Variants in SLC24A2 observed in about 807,000 individuals in gnomAD.
The protein encoded by SLC24A2 is solute carrier family 24 member 2, also known as sodium/potassium/calcium exchanger 2.
SLC24A2 carries 36 observed loss-of-function variants against 62.0 expected under a neutral mutation model. The ratio of observed to expected loss-of-function variants is 0.58; its 90% confidence interval spans 0.44 to 0.77. SLC24A2 has a LOEUF of 0.77. Among genes scored for constraint, SLC24A2 ranks in the 30% least tolerant of loss-of-function variants. The pLI, the probability that SLC24A2 is intolerant of heterozygous loss-of-function variation, is 0.00. For missense variants in SLC24A2, 846 were observed against 817.9 expected (o/e 1.03, Z -0.42); for synonymous variants, 358 against 294.0 (o/e 1.22, Z -2.23).
the SLC24A2 span, among the ~76,000 whole-genome samples, chr9:19,990,129 C>G: frequency 5.9e-5 from 9 of 152,138 alleles, no homozygotes; most frequent in Admixed American, 5.9e-4. Context: ...CCTGCATTAT[C>G]TCATTTAATC....
rs150005451 is a variant in SLC24A2, at chr9:19,665,317, A to C, written c.931-43018T>G. Among the ~76,000 whole-genome samples the C allele has an allele frequency of 7.0e-3, 1,065 of 152,252 alleles. 4 individuals are homozygous for C. The highest frequency in any genetic ancestry group is 0.013 in the Non-Finnish European group (852 of 68,014). On this transcript the variant is annotated intron_variant, in intron 2 of 10. Coordinates refer to ENST00000341998, the MANE Select transcript of SLC24A2 (RefSeq NM_020344.4). ...ATGAGAAGAAACTGATGACTTTGAG[A>C]GGTGCTGAGAAGGCAGAACTGAAGA...
At position 19,516,405 on chromosome 9, in the gene SLC24A2, G is replaced by T. The variant is rs1439184152; in HGVS notation, c.1737-3C>A. 6.8e-6 allele frequency: 11 copies of T among 1,613,530 alleles called. No individual in the cohort carries two copies. Among genetic ancestry groups the T allele is most frequent in the Non-Finnish European group, 9.3e-6 (11 of 1,179,900 alleles). On this transcript the variant is annotated splice_polypyrimidine_tract_variant and splice_region_variant and intron_variant, in intron 10 of 10. Transcript: ENST00000341998. ...ACAGGAGCCAGGGCAGTGGGAGCCT[G>T]TGCAGAAGTGAAGCAGGGCAGAGGG...
chr9:20,124,238 G>C, the SLC24A2 span, among the ~76,000 whole-genome samples: 1 of 151,734 alleles, frequency 6.6e-6, no homozygotes, highest in Non-Finnish European at 1.5e-5. Context: ...AGGAGGATAT[G>C]GTGTTTGATT....
At chr9:19,904,326 G>A in the SLC24A2 span, among the ~76,000 whole-genome samples, 1 of 152,170 alleles carries the variant, frequency 6.6e-6, no homozygotes, top group African/African-American at 2.4e-5. Flanking sequence ...AACCCATCAT[G>A]AGATTATACA....
At chr9:20,290,665 G>C in the SLC24A2 span, among the ~76,000 whole-genome samples, 2 of 152,212 alleles carry the variant, frequency 1.3e-5, no homozygotes, top group African/African-American at 4.8e-5. Context: ...GGAAAGAGCA[G>C]GGACAAATCG....
chr9:19,511,038 T>A lies in SLC24A2; in HGVS notation c.*5115A>T, dbSNP rs1832697392. The A allele has an allele frequency of 6.6e-6, 1 of 151,552 alleles. No individual in the cohort carries two copies. The highest frequency in any genetic ancestry group is 1.5e-5 in the Non-Finnish European group (1 of 67,942). 9.4% of individuals were successfully genotyped at this position (151,552 alleles called of 1,614,324 possible). On this transcript the variant is annotated 3_prime_UTR_variant, in exon 11 of 11. Coordinates refer to ENST00000341998, the MANE Select transcript of SLC24A2 (RefSeq NM_020344.4). ...CAGTGTGTACATTAGCTGGGGGGAG[T>A]CATTGTGGAAAACAGATTCCTTCCA...
upstream of SLC24A2, among the ~76,000 whole-genome samples, chr9:19,789,122 G>A (rs546800503): frequency 1.4e-4 from 21 of 152,308 alleles, no homozygotes; most frequent in African/African-American, 4.8e-4. Context: ...TGTGCGCTGG[G>A]AGCGGGGCCG....
intron 8 of SLC24A2, among the ~76,000 whole-genome samples, chr9:19,549,635 C>T (rs1043079486): frequency 3.9e-5 from 6 of 152,194 alleles, no homozygotes; most frequent in African/African-American, 9.7e-5. Context: ...CCCAGCTGAG[C>T]CTAACCTTTG....
the SLC24A2 span, among the ~76,000 whole-genome samples, chr9:20,220,692 T>A: frequency 6.6e-6 from 1 of 152,172 alleles, no homozygotes; most frequent in African/African-American, 2.4e-5. Flanking sequence ...CTTCTGCATG[T>A]CTCATCTCCT....
chr9:19,586,766 G>A (rs187122376), intron 5 of SLC24A2, among the ~76,000 whole-genome samples: 27 of 152,206 alleles, frequency 1.8e-4, no homozygotes, highest in Admixed American at 3.9e-4. Context: ...TATCATTTTA[G>A]ATCACCTGCT....
the SLC24A2 span, among the ~76,000 whole-genome samples, chr9:20,093,335 GT>G: frequency 6.6e-6 from 1 of 152,010 alleles, no homozygotes; most frequent in African/African-American, 2.4e-5. Flanking sequence ...GCCTCCCAAA[GT>G]GCTGGGATTA....
chr9:20,180,866 GC>G, the SLC24A2 span, among the ~76,000 whole-genome samples: 1 of 152,118 alleles, frequency 6.6e-6, no homozygotes, highest in Non-Finnish European at 1.5e-5. Context: ...AGCATAGCTT[GC>G]CACTAAAAGT....
intron 2 of SLC24A2, among the ~76,000 whole-genome samples, chr9:19,733,910 A>G (rs539652721): frequency 1.3e-5 from 2 of 152,284 alleles, no homozygotes; most frequent in East Asian, 1.9e-4. Flanking sequence ...AAATACTCTT[A>G]TTTCAGGTAA....
At chr9:19,756,246 A>G (rs1473641740) in intron 2 of SLC24A2, among the ~76,000 whole-genome samples, 1 of 152,234 alleles carries the variant, frequency 6.6e-6, no homozygotes, top group Non-Finnish European at 1.5e-5. Flanking sequence ...TAGTTGATAT[A>G]TAATAAATAT....
At chr9:19,739,796 C>A (rs1289259529) in intron 2 of SLC24A2, among the ~76,000 whole-genome samples, 1 of 152,054 alleles carries the variant, frequency 6.6e-6, no homozygotes, top group African/African-American at 2.4e-5. Flanking sequence ...ATTAACTATA[C>A]AGAAAAAGTC....
the SLC24A2 span, among the ~76,000 whole-genome samples, chr9:20,252,205 G>A: frequency 1.3e-5 from 2 of 152,200 alleles, no homozygotes; most frequent in African/African-American, 4.8e-5. Flanking sequence ...AGGGCTCGGA[G>A]TCCACAAATA....
the SLC24A2 span, among the ~76,000 whole-genome samples, chr9:20,033,010 C>T: frequency 6.6e-6 from 1 of 152,164 alleles, no homozygotes; most frequent in Non-Finnish European, 1.5e-5. Context: ...ATATTCAACA[C>T]TGCACAAAAG....
At chr9:19,802,089 T>A in the SLC24A2 span, among the ~76,000 whole-genome samples, 2 of 152,172 alleles carry the variant, frequency 1.3e-5, no homozygotes, top group African/African-American at 4.8e-5. Flanking sequence ...TAGAGTAAAT[T>A]TATTAGTTGA....
chr9:20,136,415 A>T, the SLC24A2 span, among the ~76,000 whole-genome samples: 166 of 152,306 alleles, frequency 1.1e-3, no homozygotes, highest in African/African-American at 3.9e-3. Context: ...AAGGCAAATA[A>T]ACAGGATAAG....
Sources: allele counts gnomAD v4.1 joint callset (sites outside exome capture counted in the v4.1 genomes callset), GRCh38; gene constraint gnomAD v4.1.1; transcripts MANE v1.5; gene names NCBI Gene and HGNC (gene_info 2026-07-23, HGNC 2026-07-21).